The following MGAT4A variants were observed in gnomAD, a reference collection of about 807,000 sequenced individuals.
The protein encoded by MGAT4A is N-acetylglucosaminyltransferase IVa.
MGAT4A carries 33 observed loss-of-function variants against 74.1 expected under a neutral mutation model. The ratio of observed to expected loss-of-function variants is 0.45; its 90% confidence interval spans 0.34 to 0.60. MGAT4A has a LOEUF of 0.60. Among genes scored for constraint, MGAT4A ranks in the 20% least tolerant of loss-of-function variants. MGAT4A has a pLI of 0.02. For synonymous variants in MGAT4A, 198 were observed against 210.4 expected (o/e 0.94, Z 0.51); for missense variants, 479 against 628.3 (o/e 0.76, Z 2.54).
Position 98,724,442 on chromosome 2 carries a change from C to T in MGAT4A, c.94+1797G>A, listed in dbSNP as rs532858367. On this transcript the variant is annotated intron_variant, in intron 2 of 15. Coordinates refer to ENST00000393487, the MANE Select transcript of MGAT4A (RefSeq NM_012214.3). Reference sequence around the variant, plus strand: ...ATTTAACACAGAAGATTTTATGTAACCATAACCAGAAACCTGTGTTGATAC... The same window carrying T: ...ATTTAACACAGAAGATTTTATGTAATCATAACCAGAAACCTGTGTTGATAC... Among the ~76,000 whole-genome samples the T allele has an allele frequency of 3.7e-4, 56 of 152,198 alleles. No homozygotes were observed. In the East Asian group the frequency reaches 9.5e-3, roughly 26 times the overall value.
At chr2:98,692,631 A>T (rs1383089115) in intron 2 of MGAT4A, among the ~76,000 whole-genome samples, 1 of 152,036 alleles carries the variant, frequency 6.6e-6, no homozygotes. Flanking sequence ...TTTATACGGT[A>T]TTTTTACTTT....
At chr2:98,729,179 A>AT (rs1220246561) in intron 1 of MGAT4A, among the ~76,000 whole-genome samples, 1 of 151,224 alleles carries the variant, frequency 6.6e-6, no homozygotes, top group Admixed American at 6.6e-5. Context: ...AAAAAAAAAA[A>AT]TACTGGATCC....
intron 10 of MGAT4A, among the ~76,000 whole-genome samples, chr2:98,640,579 G>A (rs1701392164): frequency 6.6e-6 from 1 of 152,082 alleles, no homozygotes. Flanking sequence ...ACTCCAGCCT[G>A]GGTGACAGAG....
At chr2:98,672,856 G>T (rs1054283684) in intron 4 of MGAT4A, among the ~76,000 whole-genome samples, 1 of 152,108 alleles carries the variant, frequency 6.6e-6, no homozygotes. Context: ...ATAATGGTCA[G>T]TTATTGTGTT....
At chr2:98,708,504 G>A (rs756974222) in intron 2 of MGAT4A, among the ~76,000 whole-genome samples, 14 of 152,102 alleles carry the variant, frequency 9.2e-5, no homozygotes, top group Admixed American at 1.3e-4. Context: ...CGTAAACTTT[G>A]GCATATATTT....
chr2:98,645,482 G>T lies in MGAT4A; in HGVS notation c.835C>A (p.Gln279Lys), dbSNP rs1414787246. The T allele has an allele frequency of 1.5e-5, 24 of 1,593,734 alleles. No homozygotes were observed. Among genetic ancestry groups the T allele is most frequent in the African/African-American group, 4.1e-5 (3 of 73,622 alleles). Residue 279 changes from glutamine (Q) to lysine (K), a missense_variant, in exon 9 of 16, where the codon CAA becomes AAA. Coordinates refer to ENST00000393487, the MANE Select transcript of MGAT4A (RefSeq NM_012214.3). ...ATCATCCATTCCTCAGAAGAAAGTT[G>T]AAGTGCAAAATTTTTTATGGTATTA... ...YFNTIKNFAL[Q>K]LSSEEWMILE...
intron 8 of MGAT4A, among the ~76,000 whole-genome samples, chr2:98,646,618 G>C (rs570136930): frequency 1.3e-5 from 2 of 152,084 alleles, no homozygotes; most frequent in East Asian, 3.9e-4. Context: ...AAGGCAGGAG[G>C]ATCACTTGAG....
chr2:98,694,194 C>T (rs1316460352), intron 2 of MGAT4A: 1 of 153,256 alleles, frequency 6.5e-6, no homozygotes, highest in East Asian at 1.9e-4. Context: ...ACCCAGCTGT[C>T]CAGCAAGGAG....
Position 98,666,414 on chromosome 2 carries a change from C to T in MGAT4A, c.404-3235G>A, listed in dbSNP as rs567510387. On this transcript the variant is annotated intron_variant, in intron 4 of 15. Transcript: ENST00000393487. ...AATAATCTACCTCAGAATTTAAGGC[C>T]GGGTGTGGTGGCTGATGCCTTTAAT... 1.0e-3 allele frequency among the ~76,000 whole-genome samples: 154 copies of T among 152,204 alleles called. 1 individual carries two copies. Among genetic ancestry groups the T allele is most frequent in the African/African-American group, 3.5e-3 (147 of 41,522 alleles).
intron 2 of MGAT4A, chr2:98,694,938 C>G (rs1042735630): frequency 1.3e-5 from 2 of 153,958 alleles, no homozygotes; most frequent in Admixed American, 1.3e-4. Flanking sequence ...CAACCCCCCC[C>G]TTCCGATCTG....
intron 8 of MGAT4A, among the ~76,000 whole-genome samples, chr2:98,653,355 G>GAAGAAAAAAATAAATAAATA (rs1701610946): frequency 7.5e-6 from 1 of 133,016 alleles, no homozygotes; most frequent in Non-Finnish European, 1.6e-5. Context: ...TAAATAAATA[G>GAAGAAAAAAATAAATAAATA]AAAAAAAAAA....
chr2:98,672,827 A>G (rs1701929442), intron 4 of MGAT4A, among the ~76,000 whole-genome samples: 1 of 152,156 alleles, frequency 6.6e-6, no homozygotes, highest in Non-Finnish European at 1.5e-5. Flanking sequence ...AAGCACAAAA[A>G]TTTCTAACGG....
intron 1 of MGAT4A, among the ~76,000 whole-genome samples, chr2:98,729,928 TTTTC>T (rs545626821): frequency 4.1e-4 from 62 of 152,320 alleles, no homozygotes; most frequent in African/African-American, 1.4e-3. Flanking sequence ...GGGTCAGTAG[TTTTC>T]TTTAATACAG....
intron 3 of MGAT4A, among the ~76,000 whole-genome samples, chr2:98,676,097 TG>T (rs1701973760): frequency 6.6e-6 from 1 of 152,188 alleles, no homozygotes; most frequent in Non-Finnish European, 1.5e-5. Context: ...GAAATAATAT[TG>T]TTTTAAAATT....
At chr2:98,675,260 G>T in intron 3 of MGAT4A, 85 bp from the exon 4 acceptor site, 1 of 949,734 alleles carries the variant, frequency 1.1e-6, no homozygotes, top group Non-Finnish European at 1.6e-6. Context: ...AAATTAATAA[G>T]AACTAGAACT....
intron 9 of MGAT4A, among the ~76,000 whole-genome samples, chr2:98,644,308 T>A (rs908647832): frequency 6.6e-6 from 1 of 152,226 alleles, no homozygotes; most frequent in Non-Finnish European, 1.5e-5. Context: ...GTATACCTAC[T>A]GGCCCAAAGC....
intron 2 of MGAT4A, among the ~76,000 whole-genome samples, chr2:98,680,466 C>T (rs1412562719): frequency 1.3e-5 from 2 of 152,180 alleles, no homozygotes; most frequent in African/African-American, 4.8e-5. Context: ...TGTTCCTTGT[C>T]CCTTACATAA....
chr2:98,693,577 C>T (rs1259567912), intron 2 of MGAT4A, among the ~76,000 whole-genome samples: 2 of 151,690 alleles, frequency 1.3e-5, no homozygotes, highest in Non-Finnish European at 2.9e-5. Flanking sequence ...TGTGGTTGCA[C>T]GCATCTGTGG....
intron 2 of MGAT4A, 29 bp from the exon 3 acceptor site, chr2:98,678,500 A>C: frequency 6.9e-7 from 1 of 1,454,940 alleles, no homozygotes; most frequent in Middle Eastern, 1.8e-4. Context: ...CAGTTATAGT[A>C]TATGTCTTAA....
Sources: allele counts gnomAD v4.1 joint callset (sites outside exome capture counted in the v4.1 genomes callset), GRCh38; gene constraint gnomAD v4.1.1; transcripts MANE v1.5; gene names NCBI Gene and HGNC (gene_info 2026-07-23, HGNC 2026-07-21).